Variants in CA13 observed in about 807,000 individuals in gnomAD.
CA13 encodes carbonic anhydrase 13.
In CA13, 21 loss-of-function variants were observed where a neutral mutation model predicts 31.5. That is an observed-to-expected ratio of 0.67 (90% confidence interval 0.47 to 0.96). The LOEUF is 0.96. Ranked by LOEUF, CA13 falls within the 40% of genes least tolerant of loss-of-function variation. The pLI is 0.00. For synonymous variants in CA13, 117 were observed against 111.4 expected (o/e 1.05, Z -0.32); for missense variants, 315 against 318.9 (o/e 0.99, Z 0.09).
chr8:85,270,737 G>A (rs577164236), intron 6 of CA13, among the ~76,000 whole-genome samples: 13 of 151,944 alleles, frequency 8.6e-5, no homozygotes, highest in African/African-American at 2.4e-4. Context: ...GTTTAGTTTC[G>A]TTTTTTGTTT....
Position 85,281,663 on chromosome 8 carries a change from C to A in CA13, c.*314C>A. ...GAGTAAGTAGGACCACAGGCATGCA[C>A]AAGCATGCCTGGCTAATTTTTAAAT... On this transcript the variant is annotated 3_prime_UTR_variant, in exon 7 of 7. Coordinates refer to ENST00000321764, the MANE Select transcript of CA13 (RefSeq NM_198584.3). The A allele has an allele frequency of 8.4e-6, 2 of 236,802 alleles. No homozygotes were observed. The highest frequency in any genetic ancestry group is 1.4e-5 in the Non-Finnish European group (2 of 138,930). 14.7% of individuals were successfully genotyped at this position (236,802 alleles called of 1,614,324 possible).
In CA13 at chr8:85,274,147, C is replaced by G. The variant is rs1807567359; in HGVS notation, c.669+5520C>G. Among the ~76,000 whole-genome samples the G allele has an allele frequency of 2.0e-5, 3 of 152,106 alleles. No individual in the cohort carries two copies. In the South Asian group the frequency reaches 6.2e-4, roughly 32 times the overall value. On this transcript the variant is annotated intron_variant, in intron 6 of 6. Transcript: ENST00000321764. ...TTCACCCCCTGCCCAGCTTTCAGGTCCCGGGGAGAATCTTTCATTCCTATT... is the reference window on the plus strand; with the variant it reads ...TTCACCCCCTGCCCAGCTTTCAGGTGCCGGGGAGAATCTTTCATTCCTATT...
At chr8:85,249,573 T>C (rs1813790324) in intron 1 of CA13, among the ~76,000 whole-genome samples, 1 of 152,162 alleles carries the variant, frequency 6.6e-6, no homozygotes, top group Non-Finnish European at 1.5e-5. Context: ...TCTTTAAATA[T>C]TACTCTAAAT....
chr8:85,278,630 G>A (rs1157095101), intron 6 of CA13, among the ~76,000 whole-genome samples: 1 of 128,928 alleles, frequency 7.8e-6, no homozygotes, highest in African/African-American at 2.5e-5. Flanking sequence ...CCTAGTTTGG[G>A]TAGGATGGCA....
At chr8:85,260,756 CA>C (rs1807364723) in intron 3 of CA13, among the ~76,000 whole-genome samples, 2 of 152,250 alleles carry the variant, frequency 1.3e-5, no homozygotes, top group Admixed American at 1.3e-4. Context: ...CATCATTTAC[CA>C]AATAGTTTTC....
intron 1 of CA13, chr8:85,246,196 C>T: frequency 4.0e-6 from 2 of 494,122 alleles, no homozygotes; most frequent in Non-Finnish European, 7.5e-6. Flanking sequence ...CAATTACAGG[C>T]TTGGAGATCA....
intron 5 of CA13, 127 bp downstream of exon 5, chr8:85,268,091 A>T (rs56217564): frequency 1.7e-6 from 1 of 599,326 alleles, no homozygotes; most frequent in African/African-American, 1.9e-5. Context: ...GAAAAAAAGC[A>T]GAAGTAACCT....
Position 85,281,598 on chromosome 8 carries a change from C to T in CA13, c.*249C>T. 2.5e-6 allele frequency: 2 copies of T among 808,472 alleles called. No homozygotes were observed. The highest frequency in any genetic ancestry group is 3.2e-6 in the Non-Finnish European group (2 of 621,112). The allele number at this position is 808,472 out of a possible 1,614,324, so 50.1% of individuals were successfully genotyped here. On this transcript the variant is annotated 3_prime_UTR_variant, in exon 7 of 7. Transcript: ENST00000321764. ...TACAGTCTTGGCTAATTGCAGCCTC[C>T]AACTCCTGGACTCAAGTGATCCTCC...
At position 85,281,776 on chromosome 8, in the gene CA13, T is replaced by G. The variant is rs143760764; in HGVS notation, c.*427T>G. ...AAAGTAGGCCTCCTGCCTTTGCCTC[T>G]CAAAGTGCTGGGATTTCAGGCATGG... On this transcript the variant is annotated 3_prime_UTR_variant, in exon 7 of 7. Coordinates refer to ENST00000321764, the MANE Select transcript of CA13 (RefSeq NM_198584.3). 232 of 154,480 alleles carry G rather than the reference T, an allele frequency of 1.5e-3. No homozygotes were observed. Among genetic ancestry groups the G allele is most frequent in the Middle Eastern group, 6.8e-3 (2 of 294 alleles). The allele number at this position is 154,480 out of a possible 1,614,324, so 9.6% of individuals were successfully genotyped here.
intron 6 of CA13, among the ~76,000 whole-genome samples, chr8:85,277,485 T>C (rs918928425): frequency 6.6e-6 from 1 of 152,056 alleles, no homozygotes; most frequent in Non-Finnish European, 1.5e-5. Context: ...TTAAGTACTG[T>C]AACACTCACC....
At chr8:85,255,883 G>C (rs374828074) in intron 2 of CA13, among the ~76,000 whole-genome samples, 1 of 152,124 alleles carries the variant, frequency 6.6e-6, no homozygotes. Context: ...TCCTAACACA[G>C]AACTCTCCAC....
chr8:85,275,079 T>C (rs1430559738), intron 6 of CA13, among the ~76,000 whole-genome samples: 1 of 152,186 alleles, frequency 6.6e-6, no homozygotes, highest in Non-Finnish European at 1.5e-5. Flanking sequence ...CATAGGATTG[T>C]CCCACAGTGC....
intron 6 of CA13, among the ~76,000 whole-genome samples, chr8:85,274,282 T>G (rs1807568661): frequency 6.6e-6 from 1 of 152,160 alleles, no homozygotes; most frequent in Non-Finnish European, 1.5e-5. Flanking sequence ...TTTGGGGTAT[T>G]CTTGAGAGAC....
chr8:85,258,907 A>G (rs181411075), intron 2 of CA13, among the ~76,000 whole-genome samples: 27 of 152,094 alleles, frequency 1.8e-4, no homozygotes, highest in African/African-American at 6.5e-4. Context: ...AGCTTAGGCA[A>G]CAGGGCGAGA....
rs371779882 is a variant in CA13 at position 85,269,763 on chromosome 8, G to A, written c.669+1136G>A. Among the ~76,000 whole-genome samples, 147 of 152,186 alleles carry A rather than the reference G, an allele frequency of 9.7e-4. 4 individuals are homozygous for A. The South Asian group carries it at 0.03, about 31-fold the overall frequency. On this transcript the variant is annotated intron_variant, in intron 6 of 6. Coordinates refer to ENST00000321764, the MANE Select transcript of CA13 (RefSeq NM_198584.3). ...TTGTCAGCCAGGCTGGTGTGGAGTC[G>A]GTGCAACCATACCTCACTCCAACCT...
intron 2 of CA13, among the ~76,000 whole-genome samples, chr8:85,258,133 T>C (rs1232103384): frequency 2.0e-5 from 3 of 151,848 alleles, no homozygotes; most frequent in Non-Finnish European, 4.4e-5. Flanking sequence ...CCCAAATTAC[T>C]GGGATTACAG....
chr8:85,251,082 A>T, intron 2 of CA13, 145 bp downstream of exon 2: 3 of 682,658 alleles, frequency 4.4e-6, no homozygotes. Context: ...GCTTATTGCA[A>T]CCTCCGCCTC....
At chr8:85,272,376 C>G (rs1167445194) in intron 6 of CA13, among the ~76,000 whole-genome samples, 1 of 152,174 alleles carries the variant, frequency 6.6e-6, no homozygotes, top group Admixed American at 6.5e-5. Flanking sequence ...CTGCCTCAGC[C>G]TCCTGAGTAG....
intron 6 of CA13, among the ~76,000 whole-genome samples, chr8:85,276,234 GC>G (rs1207717909): frequency 6.6e-6 from 1 of 152,142 alleles, no homozygotes; most frequent in Non-Finnish European, 1.5e-5. Flanking sequence ...TCAATTTCTC[GC>G]CCGGCCTTAG....
Sources: allele counts gnomAD v4.1 joint callset (sites outside exome capture counted in the v4.1 genomes callset), GRCh38; gene constraint gnomAD v4.1.1; transcripts MANE v1.5; gene names NCBI Gene and HGNC (gene_info 2026-07-23, HGNC 2026-07-21).